The following PDZD8 variants were observed in gnomAD, a reference collection of about 807,000 sequenced individuals.
The protein encoded by PDZD8 is PDZ domain containing 8.
PDZD8 carries 14 observed loss-of-function variants against 85.8 expected under a neutral mutation model. The observed-to-expected ratio is 0.16, with a 90% confidence interval of 0.11 to 0.26. The LOEUF (loss-of-function observed/expected upper bound fraction) is 0.26, where lower values mean the gene tolerates loss of function less well. PDZD8 is among the 10% of genes least tolerant of loss of function. The pLI is 1.00. For synonymous variants in PDZD8, 592 were observed against 568.6 expected (o/e 1.04, Z -0.59); for missense variants, 1,197 against 1,424.3 (o/e 0.84, Z 2.57).
intron 1 of PDZD8, among the ~76,000 whole-genome samples, chr10:117,345,478 T>C (rs184634059): frequency 3.3e-5 from 5 of 152,176 alleles, no homozygotes; most frequent in Admixed American, 2.6e-4. Flanking sequence ...GAGTTAACAC[T>C]AGTGGGGGGG....
intron 2 of PDZD8, among the ~76,000 whole-genome samples, chr10:117,320,367 C>G (rs1844208837): frequency 6.6e-6 from 1 of 152,046 alleles, no homozygotes; most frequent in Non-Finnish European, 1.5e-5. Context: ...CTTCAGAATT[C>G]AGGAATGAAA....
chr10:117,330,831 T>C (rs1442092026), intron 2 of PDZD8, among the ~76,000 whole-genome samples: 2 of 149,440 alleles, frequency 1.3e-5, no homozygotes, highest in Non-Finnish European at 3.0e-5. Flanking sequence ...AATTTGGCCC[T>C]GAGACATCTA....
intron 2 of PDZD8, among the ~76,000 whole-genome samples, chr10:117,324,112 C>T (rs564427922): frequency 2.1e-3 from 309 of 149,152 alleles, no homozygotes; most frequent in Middle Eastern, 3.4e-3. Flanking sequence ...CCTGTAATCT[C>T]AGCCACTCAA....
chr10:117,349,686 C>A (rs1001369342), intron 1 of PDZD8, among the ~76,000 whole-genome samples: 2 of 152,092 alleles, frequency 1.3e-5, no homozygotes, highest in African/African-American at 4.8e-5. Flanking sequence ...TCCTGTAGTT[C>A]CAGCTACACT....
At position 117,290,235 on chromosome 10, in the gene PDZD8, A is replaced by T. The variant is rs1589996069; in HGVS notation, c.1212T>A (p.Pro404=). The T allele has an allele frequency of 1.2e-6, 2 of 1,614,134 alleles. No individual in the cohort carries two copies. The highest frequency in any genetic ancestry group is 4.5e-5 in the East Asian group (2 of 44,880). The change falls in exon 4 of 5, where the codon CCT becomes CCA. Residue 404 remains proline (P), a synonymous_variant. Coordinates refer to ENST00000334464, the MANE Select transcript of PDZD8 (RefSeq NM_173791.5). ...CCCGCTGAAGATCTGCAATTGCAGC[A>T]GGCGAGTTTGGAGCCACAGTTTCAA... is the stretch of plus-strand genomic sequence containing the variant. ...VIIETVAPNS[P]AAIADLQRGD...
intron 1 of PDZD8, among the ~76,000 whole-genome samples, chr10:117,366,494 T>A (rs1845092285): frequency 6.6e-6 from 1 of 151,862 alleles, no homozygotes; most frequent in South Asian, 2.1e-4. Flanking sequence ...AGAGCAGGGA[T>A]CAGTGAATCT....
At chr10:117,319,028 A>G in intron 2 of PDZD8, 54 bp from the exon 3 acceptor site, 1 of 1,248,054 alleles carries the variant, frequency 8.0e-7, no homozygotes, top group Non-Finnish European at 1.2e-6. Flanking sequence ...ATTCATTAAA[A>G]TTTTTCTTTC....
chr10:117,281,079 G>A lies in PDZD8; in HGVS notation c.*2189C>T, dbSNP rs1844569208. ...CTATAGCAGTGTTCTTTTAAAATAA[G>A]ATCACGTGGCCGGGCGTGGTGGCTC... On this transcript the variant is annotated 3_prime_UTR_variant, in exon 5 of 5. Transcript: ENST00000334464. 1 of 152,206 alleles carries A rather than the reference G, an allele frequency of 6.6e-6. No homozygotes were observed. Among genetic ancestry groups the A allele is most frequent in the Non-Finnish European group, 1.5e-5 (1 of 68,072 alleles). 9.4% of individuals were successfully genotyped at this position (152,206 alleles called of 1,614,324 possible). A position where few individuals can be genotyped will look rare whatever the true frequency, so the allele number is the denominator to read the frequency against.
chr10:117,332,498 G>C (rs1460615840), intron 2 of PDZD8, among the ~76,000 whole-genome samples: 1 of 118,236 alleles, frequency 8.5e-6, no homozygotes, highest in African/African-American at 3.1e-5. Context: ...TATTCTGTAA[G>C]GGTTTTTTTT....
intron 1 of PDZD8, among the ~76,000 whole-genome samples, chr10:117,373,093 A>T (rs891624748): frequency 2.6e-5 from 4 of 152,212 alleles, no homozygotes; most frequent in African/African-American, 9.6e-5. Context: ...AGAGAAGTTA[A>T]AAATTCAGCT....
intron 1 of PDZD8, among the ~76,000 whole-genome samples, chr10:117,350,629 C>T (rs1447326881): frequency 1.3e-5 from 2 of 150,512 alleles, no homozygotes; most frequent in African/African-American, 4.9e-5. Context: ...ATAGGCCGGG[C>T]GCGGTGGCTC....
rs769101753 is a variant in PDZD8 at position 117,283,599 on chromosome 10, T to C, written c.3134A>G (p.Asn1045Ser). The change falls in exon 5 of 5, where the codon AAT becomes AGT. Residue 1045 changes from asparagine to serine, a missense_variant. By Grantham distance (46) the Asn-to-Ser change is conservative (BLOSUM62 1). Transcript: ENST00000334464. ...GTGTTCCAACTCCTGATCAATTTCATTCTGTAGCTTATCCAACATGAACTC... is the reference window on the plus strand; with the variant it reads ...GTGTTCCAACTCCTGATCAATTTCACTCTGTAGCTTATCCAACATGAACTC... Reference protein sequence around the residue: ...KLEFMLDKLQNEIDQELEHNN... With the variant: ...KLEFMLDKLQSEIDQELEHNN... 3.7e-6 allele frequency: 6 copies of C among 1,614,082 alleles called. No individual in the cohort carries two copies. The African/African-American group carries it at 8.0e-5, about 22-fold the overall frequency.
chr10:117,279,273 G>C lies in PDZD8; in HGVS notation c.*3995C>G, dbSNP rs1035351112. The C allele has an allele frequency of 6.6e-6, 1 of 152,130 alleles. No homozygotes were observed. The highest frequency in any genetic ancestry group is 1.9e-4 in the East Asian group (1 of 5,188). The allele number at this position is 152,130 out of a possible 1,614,324, so 9.4% of individuals were successfully genotyped here. ...CAGAACAAAGAACATACAGCTCTCTGAACATTTATTTTTTGAACAGAGGTG... is the reference window on the plus strand; with the variant it reads ...CAGAACAAAGAACATACAGCTCTCTCAACATTTATTTTTTGAACAGAGGTG... On this transcript the variant is annotated 3_prime_UTR_variant, in exon 5 of 5. Transcript: ENST00000334464.
Position 117,328,605 on chromosome 10 carries a change from A to T in PDZD8, c.996-9631T>A, listed in dbSNP as rs112019393. ...TTTTTTTTTCTATGTTTTTGTAGAGAGAAGGTCTCACTATGTTGCCTCAAA... is the reference window on the plus strand; with the variant it reads ...TTTTTTTTTCTATGTTTTTGTAGAGTGAAGGTCTCACTATGTTGCCTCAAA... On this transcript the variant is annotated intron_variant, in intron 2 of 4. Coordinates refer to ENST00000334464, the MANE Select transcript of PDZD8 (RefSeq NM_173791.5). 3.8e-3 allele frequency among the ~76,000 whole-genome samples: 582 copies of T among 152,036 alleles called. 4 individuals are homozygous for T. The highest frequency in any genetic ancestry group is 0.013 in the African/African-American group (551 of 41,462).
intron 2 of PDZD8, among the ~76,000 whole-genome samples, chr10:117,325,290 A>G (rs1035457800): frequency 6.6e-6 from 1 of 152,032 alleles, no homozygotes; most frequent in Admixed American, 6.6e-5. Flanking sequence ...TCTATTAAGT[A>G]CTATAGGTGA....
chr10:117,344,626 A>G (rs1844672939), intron 1 of PDZD8, among the ~76,000 whole-genome samples: 1 of 152,064 alleles, frequency 6.6e-6, no homozygotes, highest in Non-Finnish European at 1.5e-5. Flanking sequence ...TGACCTCGTG[A>G]TCTGCCCACC....
At chr10:117,292,003 G>A (rs363304) in intron 3 of PDZD8, among the ~76,000 whole-genome samples, 4,904 of 152,210 alleles carry the variant, frequency 0.032, 88 homozygotes, top group South Asian at 0.039. Flanking sequence ...TATCTCATGA[G>A]GGACTTTGCC....
intron 2 of PDZD8, among the ~76,000 whole-genome samples, chr10:117,320,168 A>C (rs1282598931): frequency 6.6e-6 from 1 of 152,170 alleles, no homozygotes; most frequent in Non-Finnish European, 1.5e-5. Context: ...ATTATCAAAA[A>C]GAAGGCAGTC....
At chr10:117,302,096 G>A (rs1215782101) in intron 3 of PDZD8, among the ~76,000 whole-genome samples, 2 of 152,162 alleles carry the variant, frequency 1.3e-5, no homozygotes, top group African/African-American at 2.4e-5. Context: ...ACAAAATACT[G>A]AGCTTCTGAA....
Sources: allele counts gnomAD v4.1 joint callset (sites outside exome capture counted in the v4.1 genomes callset), GRCh38; gene constraint gnomAD v4.1.1; transcripts MANE v1.5; gene names NCBI Gene and HGNC (gene_info 2026-07-23, HGNC 2026-07-21).